Variants in SLC8A1 observed in about 807,000 individuals in gnomAD.
SLC8A1 encodes sodium/calcium exchanger 1.
Under a neutral mutation model 68.3 loss-of-function variants are expected in SLC8A1, and 18 were observed. That is an observed-to-expected ratio of 0.26 (90% CI 0.18 to 0.39). The LOEUF (loss-of-function observed/expected upper bound fraction) is 0.39, where lower values mean the gene tolerates loss of function less well. Ranked by LOEUF, SLC8A1 falls within the 10% of genes least tolerant of loss-of-function variation. SLC8A1 has a pLI of 1.00. For synonymous variants in SLC8A1, 475 were observed against 415.5 expected, an observed-to-expected ratio of 1.14 and a Z score of -1.74; for missense variants, 985 against 1,156.7, an observed-to-expected ratio of 0.85 and a Z score of 2.15.
At chr2:40,160,672 T>G in intron 6 of SLC8A1, 93 bp downstream of exon 9, 2 of 1,070,088 alleles carry the variant, frequency 1.9e-6, no homozygotes, top group South Asian at 2.6e-5. Context: ...TGGAAGCCCT[T>G]TGGTGCTTTG....
intron 1 of SLC8A1, among the ~76,000 whole-genome samples, chr2:40,490,590 G>A (rs561557164): frequency 1.5e-4 from 23 of 152,196 alleles, no homozygotes; most frequent in Admixed American, 1.2e-3. Context: ...ATATGCTGAA[G>A]ACACAAAGTT....
intron 2 of SLC8A1, among the ~76,000 whole-genome samples, chr2:40,302,608 A>T (rs2071735631): frequency 6.7e-6 from 1 of 149,954 alleles, no homozygotes; most frequent in African/African-American, 2.4e-5. Context: ...TGATATATAT[A>T]TATATAAAAC....
rs192040601 is a variant in SLC8A1 at position 40,353,678 on chromosome 2, C to A, written c.1808+74795G>T. 4.8e-3 allele frequency among the ~76,000 whole-genome samples: 736 copies of A among 152,268 alleles called. 6 individuals are homozygous for A. Among genetic ancestry groups the A allele is most frequent in the Non-Finnish European group, 5.9e-3 (400 of 68,022 alleles). On this transcript the variant is annotated intron_variant, in intron 2 of 7. Transcript: ENST00000406785. ...AAAGAAATGTAATCCACAGATGCCC[C>A]CTTCTTTATGCTGCCTACCTGCCTT...
chr2:40,346,557 G>A (rs1669376724), intron 2 of SLC8A1, among the ~76,000 whole-genome samples: 1 of 152,088 alleles, frequency 6.6e-6, no homozygotes, highest in Non-Finnish European at 1.5e-5. Flanking sequence ...AAGACAGCAA[G>A]CCTAAGTCAA....
At chr2:40,436,019 T>A (rs1699343653) in intron 1 of SLC8A1, among the ~76,000 whole-genome samples, 2 of 150,288 alleles carry the variant, frequency 1.3e-5, no homozygotes, top group South Asian at 4.3e-4. Flanking sequence ...GTAATCTGCC[T>A]GCCTCAGCCC....
chr2:40,234,184 T>G (rs2148915588), intron 2 of SLC8A1, among the ~76,000 whole-genome samples: 1 of 152,292 alleles, frequency 6.6e-6, no homozygotes, highest in East Asian at 1.9e-4. Context: ...GTAAATTACC[T>G]TGGGCAGTAT....
chr2:40,383,668 C>G (rs550234752), intron 2 of SLC8A1, among the ~76,000 whole-genome samples: 1 of 152,122 alleles, frequency 6.6e-6, no homozygotes, highest in African/African-American at 2.4e-5. Flanking sequence ...ATACTTAATA[C>G]ATAAACAAGT....
At chr2:40,206,701 A>G (rs1230421056) in intron 2 of SLC8A1, among the ~76,000 whole-genome samples, 1 of 152,064 alleles carries the variant, frequency 6.6e-6, no homozygotes, top group Non-Finnish European at 1.5e-5. Context: ...AATGTCAGAG[A>G]TAAAATTGGT....
intron 2 of SLC8A1, among the ~76,000 whole-genome samples, chr2:40,357,930 G>A (rs905472015): frequency 1.1e-4 from 16 of 151,724 alleles, no homozygotes; most frequent in African/African-American, 3.6e-4. Context: ...TGAGTTGCAT[G>A]GTTCCTCTGT....
chr2:40,223,955 A>C (rs916762153), intron 2 of SLC8A1, among the ~76,000 whole-genome samples: 2 of 152,120 alleles, frequency 1.3e-5, no homozygotes, highest in African/African-American at 4.8e-5. Context: ...ACAAAGCAGG[A>C]GGAGCCTCCA....
chr2:40,357,786 A>C (rs955240080), intron 2 of SLC8A1, among the ~76,000 whole-genome samples: 16 of 152,178 alleles, frequency 1.1e-4, no homozygotes, highest in African/African-American at 3.6e-4. Context: ...GCCCTAGCTT[A>C]TACGACATTC....
At chr2:40,369,895 G>A (rs1677484536) in intron 2 of SLC8A1, among the ~76,000 whole-genome samples, 1 of 150,034 alleles carries the variant, frequency 6.7e-6, no homozygotes, top group Non-Finnish European at 1.5e-5. Flanking sequence ...TAAAAAAACT[G>A]CTTAAATACA....
At chr2:40,294,027 A>C (rs902837382) in intron 2 of SLC8A1, among the ~76,000 whole-genome samples, 3 of 152,072 alleles carry the variant, frequency 2.0e-5, no homozygotes, top group African/African-American at 7.2e-5. Context: ...GTTTTCAATA[A>C]AGCTATGAAT....
At chr2:40,358,678 C>T (rs186613367) in intron 2 of SLC8A1, among the ~76,000 whole-genome samples, 1 of 152,290 alleles carries the variant, frequency 6.6e-6, no homozygotes, top group East Asian at 1.9e-4. Flanking sequence ...ACTCATTCAA[C>T]AATCTGTACA....
At chr2:40,261,641 A>C (rs771454746) in intron 2 of SLC8A1, among the ~76,000 whole-genome samples, 3 of 152,192 alleles carry the variant, frequency 2.0e-5, no homozygotes, top group Non-Finnish European at 2.9e-5. Flanking sequence ...GTGGAGAAAG[A>C]GCCCATGCTA....
chr2:40,352,700 G>A (rs747424528), intron 2 of SLC8A1, among the ~76,000 whole-genome samples: 35 of 152,302 alleles, frequency 2.3e-4, no homozygotes, highest in South Asian at 1.5e-3. Context: ...AGCCTCTTTT[G>A]AAAAGTATTA....
chr2:40,102,997 T>C (rs1184258496), exon 8 of SLC8A1: 1 of 152,172 alleles, frequency 6.6e-6, no homozygotes, highest in African/African-American at 2.4e-5. Flanking sequence ...TTTCTCAATA[T>C]TGAGTCTCAC....
chr2:40,468,896 C>T (rs1370042082), intron 1 of SLC8A1, among the ~76,000 whole-genome samples: 1 of 151,906 alleles, frequency 6.6e-6, no homozygotes, highest in East Asian at 1.9e-4. Context: ...GGCAATATAG[C>T]AAGATCCCAT....
intron 1 of SLC8A1, among the ~76,000 whole-genome samples, chr2:40,491,401 T>G (rs1363610540): frequency 6.6e-6 from 1 of 152,148 alleles, no homozygotes; most frequent in Non-Finnish European, 1.5e-5. Flanking sequence ...CAATGGGGTT[T>G]TCTAGATATA....
Sources: gnomAD v4.1 joint callset for allele counts (sites outside exome capture counted in the v4.1 genomes callset) on GRCh38, gnomAD v4.1.1 for gene constraint, MANE v1.5 for transcripts, NCBI Gene and HGNC (gene_info 2026-07-23, HGNC 2026-07-21) for gene names.